MLH3: variants seen among roughly 807,000 people sequenced by gnomAD.
MLH3 encodes mutL homolog 3.
MLH3 carries 82 observed loss-of-function variants against 122.2 expected under a neutral mutation model. The observed-to-expected ratio is 0.67, with a 90% CI of 0.56 to 0.81. The LOEUF (loss-of-function observed/expected upper bound fraction) is 0.81, where lower values mean the gene tolerates loss of function less well. MLH3 is among the 30% of genes least tolerant of loss of function. The pLI is 0.00. For synonymous variants in MLH3, 524 were observed against 599.5 expected (o/e 0.87, Z 1.84); for missense variants, 1,539 against 1,714.5 (o/e 0.90, Z 1.81).
At chr14:75,044,200 G>C (rs1892062273) in intron 2 of MLH3, among the ~76,000 whole-genome samples, 1 of 152,092 alleles carries the variant, frequency 6.6e-6, no homozygotes, top group South Asian at 2.1e-4. Flanking sequence ...AAGGTAGCAG[G>C]GTACTGAGGA....
In MLH3 at chr14:75,046,621, G is replaced by A; in HGVS notation, c.3035C>T (p.Ala1012Val). 6.2e-7 allele frequency: 1 copy of A among 1,614,166 alleles called. No individual in the cohort carries two copies. ...SGMLMNPVED[A>V]TGDQNGICFQ... ...ACAAATTCCATTTTGGTCACCTGTG[G>A]CATCTTCTACCGGATTCATTAACAT... The change falls in exon 2 of 13, where the codon GCC becomes GTC. Residue 1012 changes from alanine to valine, a missense_variant. Coordinates refer to ENST00000355774, the MANE Select transcript of MLH3 (RefSeq NM_001040108.2).
In MLH3 at chr14:75,022,865, C is replaced by T; in HGVS notation, c.4039G>A (p.Gly1347Arg). ...TTCTGGACAGTCAGTGGCAATGTCC[C>T]TTGGATGCCTCCGGTGGTCTGGAGT... The part of the protein sequence containing the change: ...ELLQTTGGIQ[G>R]TLPLTVQKVL... The change falls in exon 11 of 13, where the codon GGG becomes AGG. Residue 1347 changes from glycine (G) to arginine (R), a missense_variant. Coordinates refer to ENST00000355774, the MANE Select transcript of MLH3 (RefSeq NM_001040108.2). The T allele has an allele frequency of 6.2e-7, 1 of 1,614,158 alleles. No homozygotes were observed. The highest frequency in any genetic ancestry group is 8.5e-7 in the Non-Finnish European group (1 of 1,180,014).
rs540501657 is a variant in MLH3 at position 75,040,257 on chromosome 14, G to A, written c.3466-242C>T. Among the ~76,000 whole-genome samples the A allele has an allele frequency of 5.9e-5, 9 of 151,536 alleles. No homozygotes were observed. The South Asian group carries it at 1.0e-3, about 18-fold the overall frequency. ...GAGGTCAGGAGATCGAGACCATCCT[G>A]GCTAACATGGTGAAACCCCATCTCT... On this transcript the variant is annotated intron_variant, in intron 4 of 12. Transcript: ENST00000355774.
intron 1 of MLH3, chr14:75,050,921 T>TG (rs1490404642): frequency 1.1e-4 from 16 of 152,288 alleles, no homozygotes; most frequent in Admixed American, 1.0e-3. Flanking sequence ...GGTGGGCCCC[T>TG]GCAGGCGGTG....
chr14:75,042,057 T>C (rs1179056431), intron 3 of MLH3, among the ~76,000 whole-genome samples: 1 of 152,254 alleles, frequency 6.6e-6, no homozygotes, highest in Non-Finnish European at 1.5e-5. Flanking sequence ...TAGCTTTTTT[T>C]GAAGAGTTTT....
intron 12 of MLH3, 99 bp from the exon 13 acceptor site, chr14:75,017,300 A>G (rs1889951152): frequency 8.2e-7 from 1 of 1,221,932 alleles, no homozygotes; most frequent in African/African-American, 1.5e-5. Context: ...GCACTCTGGG[A>G]GGCCAAGGCA....
Position 75,047,399 on chromosome 14 carries a change from A to C in MLH3, c.2257T>G (p.Ser753Ala). The change falls in exon 2 of 13, where the codon TCT (serine) becomes GCT (alanine). Residue 753 changes from serine to alanine, a missense_variant. Ser to Ala is a moderately conservative substitution (Grantham distance 99, BLOSUM62 1). Coordinates refer to ENST00000355774, the MANE Select transcript of MLH3 (RefSeq NM_001040108.2). Reference sequence around the variant, plus strand: ...TATTGCCTCTTAAACTTCTCTAAAGATCCTAGCTGTGAACTCAAGCTTAGC... The same window carrying C: ...TATTGCCTCTTAAACTTCTCTAAAGCTCCTAGCTGTGAACTCAAGCTTAGC... ...KKLSLSSQLG[S>A]LEKFKRQYGK... 3 of 1,614,112 alleles carry C rather than the reference A, an allele frequency of 1.9e-6. No homozygotes were observed. The highest frequency in any genetic ancestry group is 2.5e-6 in the Non-Finnish European group (3 of 1,179,992).
intron 2 of MLH3, among the ~76,000 whole-genome samples, 187 bp downstream of exon 2, chr14:75,046,179 CAAAAAAAAAA>C (rs138141680): frequency 3.7e-5 from 2 of 53,750 alleles, no homozygotes; most frequent in African/African-American, 1.3e-4. Context: ...GACTCCGTCT[CAAAAAAAAAA>C]AAAAAAAAAA....
At chr14:75,042,751 G>A (rs765336682) in intron 2 of MLH3, among the ~76,000 whole-genome samples, 3 of 151,692 alleles carry the variant, frequency 2.0e-5, no homozygotes, top group Admixed American at 1.3e-4. Flanking sequence ...AATTTTGCAC[G>A]AGGGGACATT....
chr14:75,025,190 T>C (rs1398815642), intron 9 of MLH3, among the ~76,000 whole-genome samples: 1 of 152,214 alleles, frequency 6.6e-6, no homozygotes, highest in Non-Finnish European at 1.5e-5. Flanking sequence ...TTCTAACCTT[T>C]AGCTCTCACC....
rs1035717109 is a variant in MLH3 at position 75,048,929 on chromosome 14, C to A, written c.727G>T (p.Ala243Ser). Residue 243 changes from alanine (A) to serine (S), a missense_variant, in exon 2 of 13, where the codon GCA (alanine) becomes TCA (serine). Transcript: ENST00000355774. ...AACTGCATATTCTTGTTGTAATGTG[C>A]TTCAGAGCTGATATAGCCACTAAGC... ...FELSGYISSEAHYNKNMQFLF... is the reference protein window; with the variant it reads ...FELSGYISSESHYNKNMQFLF... 1 of 1,613,256 alleles carries A rather than the reference C, an allele frequency of 6.2e-7. No individual in the cohort carries two copies. Among genetic ancestry groups the A allele is most frequent in the East Asian group, 2.2e-5 (1 of 44,880 alleles).
chr14:75,018,069 C>T (rs1955474), intron 12 of MLH3, among the ~76,000 whole-genome samples: 79,835 of 151,710 alleles, frequency 0.53, 21,635 homozygotes, highest in East Asian at 0.84. Flanking sequence ...TGCTTGAACC[C>T]GGGAGGCAGA....
chr14:75,048,692 C>G lies in MLH3; in HGVS notation c.964G>C (p.Glu322Gln), dbSNP rs767618727. The G allele has an allele frequency of 1.9e-6, 3 of 1,614,146 alleles. No homozygotes were observed. The highest frequency in any genetic ancestry group is 1.3e-5 in the African/African-American group (1 of 75,046). ...CQFCEYDVCM[E>Q]PAKTLIEFQN... ...AATTCAATCAGAGTTTTGGCTGGCT[C>G]CATGCACACATCATACTCACAGAAT... Residue 322 changes from glutamate to glutamine, a missense_variant, in exon 2 of 13, where the codon GAG becomes CAG. Glu to Gln is a conservative substitution (Grantham distance 29, BLOSUM62 2). Coordinates refer to ENST00000355774, the MANE Select transcript of MLH3 (RefSeq NM_001040108.2).
In MLH3 at chr14:75,018,209, C is replaced by A. The variant is rs376885306; in HGVS notation, c.4242+620G>T. Among the ~76,000 whole-genome samples, 11 of 152,300 alleles carry A rather than the reference C, an allele frequency of 7.2e-5. No homozygotes were observed. In the South Asian group the frequency reaches 2.3e-3, roughly 32 times the overall value. On this transcript the variant is annotated intron_variant, in intron 12 of 12. Transcript: ENST00000355774. ...ACAGGGACATTCCTGTTATGTTCTC[C>A]ATGTTCTCCTTCACTGAAGATTATA... is the stretch of plus-strand genomic sequence containing the variant.
At position 75,014,191 on chromosome 14, in the gene MLH3, G is replaced by A. The variant is rs889717395; in HGVS notation, c.*2891C>T. The A allele has an allele frequency of 1.7e-5, 3 of 171,734 alleles. No individual in the cohort carries two copies. The highest frequency in any genetic ancestry group is 7.1e-5 in the African/African-American group (3 of 42,006). 10.6% of individuals were successfully genotyped at this position (171,734 alleles called of 1,614,324 possible). ...GCCCCCTCCACATCTCAAGAACGTG[G>A]CCTTGGGCCCCTTTCTGCTCTGACC... is the stretch of plus-strand genomic sequence containing the variant. On this transcript the variant is annotated 3_prime_UTR_variant, in exon 13 of 13. Coordinates refer to ENST00000355774, the MANE Select transcript of MLH3 (RefSeq NM_001040108.2).
chr14:75,047,035 G>C lies in MLH3; in HGVS notation c.2621C>G (p.Ala874Gly). ...LDLEKSSESL[A>G]SKLSRLKGSE... ...ACCCTTCAGTCTGGATAATTTAGAG[G>C]CTAGTGATTCAGATGACTTCTCAAG... The change falls in exon 2 of 13, where the codon GCC becomes GGC. Residue 874 changes from alanine (A) to glycine (G), a missense_variant. Transcript: ENST00000355774. 2 of 1,614,148 alleles carry C rather than the reference G, an allele frequency of 1.2e-6. No individual in the cohort carries two copies. Among genetic ancestry groups the C allele is most frequent in the Non-Finnish European group, 1.7e-6 (2 of 1,180,020 alleles).
intron 5 of MLH3, among the ~76,000 whole-genome samples, chr14:75,038,716 T>C (rs1191713655): frequency 6.6e-6 from 1 of 152,182 alleles, no homozygotes; most frequent in Non-Finnish European, 1.5e-5. Context: ...ACAGAGTGAC[T>C]CTTGAGAATA....
chr14:75,047,037 T>C lies in MLH3; in HGVS notation c.2619A>G (p.Leu873=). The C allele has an allele frequency of 6.2e-7, 1 of 1,614,196 alleles. No individual in the cohort carries two copies. The change falls in exon 2 of 13, where the codon CTA becomes CTG. Residue 873 remains leucine, a synonymous_variant. Coordinates refer to ENST00000355774, the MANE Select transcript of MLH3 (RefSeq NM_001040108.2). ...PLDLEKSSES[L]ASKLSRLKGS... The stretch of plus-strand genomic sequence containing the variant: ...CCTTCAGTCTGGATAATTTAGAGGC[T>C]AGTGATTCAGATGACTTCTCAAGGT...
chr14:75,035,525 A>AAAC (rs888078997), intron 6 of MLH3, among the ~76,000 whole-genome samples: 2 of 152,176 alleles, frequency 1.3e-5, no homozygotes, highest in Non-Finnish European at 2.9e-5. Flanking sequence ...TTCGTCTCAA[A>AAAC]AACAACAACA....
Sources: gnomAD v4.1 joint callset for allele counts (sites outside exome capture counted in the v4.1 genomes callset) on GRCh38, gnomAD v4.1.1 for gene constraint, MANE v1.5 for transcripts, NCBI Gene and HGNC (gene_info 2026-07-23, HGNC 2026-07-21) for gene names.